The following SAMTOR variants were observed in gnomAD, a reference collection of about 807,000 sequenced individuals.
SAMTOR encodes the protein S-adenosylmethionine sensor upstream of mTORC1, also known as UPF0532 protein C7orf60.
chr7:112,911,628 A>G, the SAMTOR span, among the ~76,000 whole-genome samples: 1 of 152,280 alleles, frequency 6.6e-6, no homozygotes, highest in East Asian at 1.9e-4. Context: ...AAGCAGACAA[A>G]AACTTTAAAA....
chr7:112,931,529 G>C, the SAMTOR span, among the ~76,000 whole-genome samples: 2 of 152,140 alleles, frequency 1.3e-5, no homozygotes, highest in Non-Finnish European at 2.9e-5. Context: ...TTATTCCCTT[G>C]TGAAAGTGAA....
At chr7:112,824,041 C>A in the SAMTOR span, among the ~76,000 whole-genome samples, 1 of 143,406 alleles carries the variant, frequency 7.0e-6, no homozygotes, top group Non-Finnish European at 1.5e-5. Context: ...TAAGTATTTT[C>A]TTTCTGGGTT....
At chr7:112,936,436 T>C in the SAMTOR span, among the ~76,000 whole-genome samples, 5 of 152,246 alleles carry the variant, frequency 3.3e-5, no homozygotes, top group African/African-American at 1.2e-4. Context: ...AAGGAAAAAG[T>C]GGTAAACGAA....
At chr7:112,860,255 C>A in the SAMTOR span, among the ~76,000 whole-genome samples, 3 of 152,254 alleles carry the variant, frequency 2.0e-5, no homozygotes, top group Non-Finnish European at 4.4e-5. Context: ...TATGTTCACA[C>A]AACGATTGAC....
At chr7:112,934,608 C>T in the SAMTOR span, among the ~76,000 whole-genome samples, 1 of 152,240 alleles carries the variant, frequency 6.6e-6, no homozygotes, top group African/African-American at 2.4e-5. Flanking sequence ...AGTATAAAAG[C>T]CTCCTTTCTC....
the SAMTOR span, among the ~76,000 whole-genome samples, chr7:112,902,231 GTGTCTAC>G: frequency 4.0e-5 from 6 of 151,348 alleles, no homozygotes; most frequent in African/African-American, 1.5e-4. Flanking sequence ...GGAGAAATCC[GTGTCTAC>G]TAAATATACA....
chr7:112,929,528 C>A, the SAMTOR span, among the ~76,000 whole-genome samples: 1 of 151,964 alleles, frequency 6.6e-6, no homozygotes, highest in Admixed American at 6.6e-5. Context: ...TATGGAGGTT[C>A]CTAAAAAAAT....
At chr7:112,849,588 TTTC>T in the SAMTOR span, among the ~76,000 whole-genome samples, 4 of 152,200 alleles carry the variant, frequency 2.6e-5, no homozygotes, top group Non-Finnish European at 5.9e-5. Flanking sequence ...ATGCCCTTTA[TTTC>T]TTTCTGTTGC....
the SAMTOR span, among the ~76,000 whole-genome samples, chr7:112,905,593 T>G: frequency 1.3e-5 from 2 of 152,186 alleles, no homozygotes; most frequent in Non-Finnish European, 2.9e-5. Flanking sequence ...GTGATATGTA[T>G]TTCAGGAATG....
chr7:112,832,091 C>T, the SAMTOR span, among the ~76,000 whole-genome samples: 3 of 151,428 alleles, frequency 2.0e-5, no homozygotes, highest in Non-Finnish European at 1.5e-5. Flanking sequence ...GACTCACTGC[C>T]ACCTCCGCCT....
the SAMTOR span, chr7:112,819,382 T>A: frequency 6.6e-6 from 1 of 152,310 alleles, no homozygotes; most frequent in African/African-American, 2.4e-5. Context: ...GCCTCATAAC[T>A]TCTTTATATC....
the SAMTOR span, chr7:112,915,357 T>C: frequency 1.2e-6 from 2 of 1,613,432 alleles, no homozygotes; most frequent in Non-Finnish European, 1.7e-6. Context: ...TGCCCAATGA[T>C]TATCTGCCAA....
chr7:112,939,750 T>C, the SAMTOR span: 1 of 1,594,550 alleles, frequency 6.3e-7, no homozygotes, highest in Non-Finnish European at 8.5e-7. Context: ...CCTGGCTCCA[T>C]ATCGCAGCCG....
chr7:112,911,374 G>A, the SAMTOR span, among the ~76,000 whole-genome samples: 3 of 152,092 alleles, frequency 2.0e-5, no homozygotes, highest in Non-Finnish European at 4.4e-5. Context: ...ACCTAAAGAG[G>A]TCATCCAGCT....
chr7:112,838,129 T>G, the SAMTOR span, among the ~76,000 whole-genome samples: 2 of 151,946 alleles, frequency 1.3e-5, no homozygotes, highest in African/African-American at 4.8e-5. Flanking sequence ...AAACAAGGCA[T>G]AGCTCACCTT....
chr7:112,936,689 C>A, the SAMTOR span, among the ~76,000 whole-genome samples: 2 of 152,182 alleles, frequency 1.3e-5, no homozygotes, highest in Non-Finnish European at 2.9e-5. Flanking sequence ...ACCTCCCAGT[C>A]ACTATCTATC....
the SAMTOR span, among the ~76,000 whole-genome samples, chr7:112,859,722 T>C: frequency 2.6e-5 from 4 of 152,128 alleles, no homozygotes; most frequent in African/African-American, 9.7e-5. Context: ...AAAAACAAAA[T>C]TTAAAAGCTT....
chr7:112,858,646 G>A, the SAMTOR span, among the ~76,000 whole-genome samples: 1 of 152,078 alleles, frequency 6.6e-6, no homozygotes, highest in African/African-American at 2.4e-5. Context: ...TTTAATATAT[G>A]TCAGTGATTT....
At chr7:112,926,006 G>C in the SAMTOR span, among the ~76,000 whole-genome samples, 1 of 152,136 alleles carries the variant, frequency 6.6e-6, no homozygotes, top group Non-Finnish European at 1.5e-5. Flanking sequence ...AAGAATGGGA[G>C]GCCACGGCAT....
Sources: gnomAD v4.1 joint callset for allele counts (sites outside exome capture counted in the v4.1 genomes callset) on GRCh38, gnomAD v4.1.1 for gene constraint, MANE v1.5 for transcripts, NCBI Gene and HGNC (gene_info 2026-07-23, HGNC 2026-07-21) for gene names.